The following ZBTB41 variants were observed in gnomAD, a reference collection of about 807,000 sequenced individuals.
ZBTB41 encodes the protein zinc finger and BTB domain-containing protein 41.
A neutral mutation model predicts 87.6 loss-of-function variants in ZBTB41; 42 were observed. The ratio of observed to expected loss-of-function variants is 0.48; its 90% CI spans 0.37 to 0.62. The LOEUF (loss-of-function observed/expected upper bound fraction) is 0.62, where lower values mean the gene tolerates loss of function less well. Ranked by LOEUF, ZBTB41 falls within the 20% of genes least tolerant of loss-of-function variation. The pLI is 0.00. For synonymous variants in ZBTB41, 364 were observed against 364.0 expected, an observed-to-expected ratio of 1.00 and a Z score of 0.00; for missense variants, 799 against 1,078.9, an observed-to-expected ratio of 0.74 and a Z score of 3.63.
rs144675743 is a variant in ZBTB41, at chr1:197,194,991, T to C, written c.1121-3092A>G. On this transcript the variant is annotated intron_variant, in intron 2 of 10. Transcript: ENST00000367405. ...ATTTGGTAGGGTTTTTTCTTTGTTT[T>C]TGTTTTGTTTCGTTTTGTTTTTTGC... is the stretch of plus-strand genomic sequence containing the variant. Among the ~76,000 whole-genome samples, 106 of 152,322 alleles carry C rather than the reference T, an allele frequency of 7.0e-4. 1 individual carries two copies. In the East Asian group the frequency reaches 0.02, roughly 29 times the overall value.
At chr1:197,191,143 T>A (rs1461963492) in intron 3 of ZBTB41, among the ~76,000 whole-genome samples, 3 of 152,000 alleles carry the variant, frequency 2.0e-5, no homozygotes, top group Non-Finnish European at 4.4e-5. Flanking sequence ...CTGTTACACA[T>A]TAAAGACAAT....
intron 2 of ZBTB41, among the ~76,000 whole-genome samples, chr1:197,193,872 A>G (rs1377804242): frequency 6.6e-6 from 1 of 152,214 alleles, no homozygotes; most frequent in Non-Finnish European, 1.5e-5. Flanking sequence ...CTGTAAAATC[A>G]AAAGTATACA....
chr1:197,179,769 C>T (rs760764927), intron 6 of ZBTB41, among the ~76,000 whole-genome samples: 1 of 151,394 alleles, frequency 6.6e-6, no homozygotes, highest in Non-Finnish European at 1.5e-5. Flanking sequence ...AAAAGTAAAA[C>T]ATAAAAAATT....
In ZBTB41 at chr1:197,199,767, C is replaced by T. The variant is rs201185833; in HGVS notation, c.707G>A (p.Gly236Glu). Reference sequence around the variant, plus strand: ...CAGCATTTTTAACCCATGTTTTTTCCCTAATAAAAGGGACCTATGGGTTTT... The same window carrying T: ...CAGCATTTTTAACCCATGTTTTTTCTCTAATAAAAGGGACCTATGGGTTTT... ...LAKTHRSLLL[G>E]KKHGLKMLER... The change falls in exon 2 of 11, where the codon GGG becomes GAG. Residue 236 changes from glycine (G) to glutamate (E), a missense_variant. By Grantham distance (98) the Gly-to-Glu change is moderately conservative (BLOSUM62 -2). This residue lies in a region of ZBTB41 where 294 missense variants were observed against 340.1 expected (regional missense o/e 0.86). Coordinates refer to ENST00000367405, the MANE Select transcript of ZBTB41 (RefSeq NM_194314.3). The T allele has an allele frequency of 2.4e-5, 39 of 1,612,698 alleles. No individual in the cohort carries two copies. In the East Asian group the frequency reaches 8.5e-4, roughly 35 times the overall value.
Position 197,199,615 on chromosome 1 carries a change from T to C in ZBTB41, c.859A>G (p.Lys287Glu), listed in dbSNP as rs146240690. The C allele has an allele frequency of 1.1e-5, 18 of 1,610,638 alleles. No homozygotes were observed. The African/African-American group carries it at 1.6e-4, about 14-fold the overall frequency. ...SDNLNQENFD[K>E]EKSDRNDSED... is the part of the protein sequence containing the mutation. ...GAATCATTTCTATCTGACTTTTCCT[T>C]ATCAAAATTTTCTTGATTCAAATTG... The change falls in exon 2 of 11, where the codon AAG becomes GAG. Residue 287 changes from lysine to glutamate, a missense_variant. Lys to Glu is a moderately conservative substitution (Grantham distance 56). This residue lies in a region of ZBTB41 where 294 missense variants were observed against 340.1 expected (regional missense o/e 0.86). Transcript: ENST00000367405.
Position 197,159,208 on chromosome 1 carries a change from A to G in ZBTB41, c.*151T>C. The G allele has an allele frequency of 1.4e-6, 1 of 721,082 alleles. No individual in the cohort carries two copies. The highest frequency in any genetic ancestry group is 2.2e-6 in the Non-Finnish European group (1 of 448,382). The allele number at this position is 721,082 out of a possible 1,614,324, so 44.7% of individuals were successfully genotyped here. ...TTGTCCAAATATTCATGTTCAGTAA[A>G]CAGAGACACATAGTTTTCTTGATTT... On this transcript the variant is annotated 3_prime_UTR_variant, in exon 11 of 11. Transcript: ENST00000367405.
At chr1:197,188,582 T>A in intron 4 of ZBTB41, 143 bp from the exon 5 acceptor site, 1 of 807,618 alleles carries the variant, frequency 1.2e-6, no homozygotes, top group Non-Finnish European at 1.8e-6. Flanking sequence ...AATTCAATTC[T>A]AATTGTGCAG....
intron 5 of ZBTB41, among the ~76,000 whole-genome samples, chr1:197,182,199 T>C (rs1458809241): frequency 1.3e-5 from 2 of 152,146 alleles, no homozygotes; most frequent in Non-Finnish European, 2.9e-5. Flanking sequence ...AGTCAAAGAA[T>C]GAAATATCTA....
At chr1:197,166,176 A>C (rs1235119249) in intron 10 of ZBTB41, among the ~76,000 whole-genome samples, 1 of 152,174 alleles carries the variant, frequency 6.6e-6, no homozygotes, top group Non-Finnish European at 1.5e-5. Context: ...TGTATCCCAG[A>C]ACTTAAAGTA....
In ZBTB41 at chr1:197,191,753, T is replaced by G. The variant is rs995148568; in HGVS notation, c.1267A>C (p.Lys423Gln). ...TGAAGTTTATTACAATAAGGGCACT[T>G]GTGCTCCTTCTTATGAAATTCTGTT... Reference protein sequence around the residue: ...NETEFHKKEHKCPYCNKLHAS... With the variant: ...NETEFHKKEHQCPYCNKLHAS... Residue 423 changes from lysine (K) to glutamine (Q), a missense_variant, in exon 3 of 11, where the codon AAG becomes CAG. By Grantham distance (53) the Lys-to-Gln change is moderately conservative. This residue lies in a region of ZBTB41 where 294 missense variants were observed against 340.1 expected (regional missense o/e 0.86). Coordinates refer to ENST00000367405, the MANE Select transcript of ZBTB41 (RefSeq NM_194314.3). 3.7e-6 allele frequency: 6 copies of G among 1,613,684 alleles called. No homozygotes were observed. Among genetic ancestry groups the G allele is most frequent in the Non-Finnish European group, 5.1e-6 (6 of 1,179,876 alleles).
chr1:197,199,540 C>A lies in ZBTB41; in HGVS notation c.934G>T (p.Glu312Ter). 6.2e-7 allele frequency: 1 copy of A among 1,609,466 alleles called. No homozygotes were observed. The highest frequency in any genetic ancestry group is 8.5e-7 in the Non-Finnish European group (1 of 1,178,494). ...ATGTCAGAGTACTCATCTGACATCT[C>A]CTCCTCTAGCTCATCTTCTTCAGCA... ...YNAEEDELEE[E>*]MSDEYSDIEE... Residue 312 changes from glutamate to a stop codon, truncating the protein, a stop_gained, in exon 2 of 11, where the codon GAG (glutamate) becomes TAG (stop). Coordinates refer to ENST00000367405, the MANE Select transcript of ZBTB41 (RefSeq NM_194314.3). LOFTEE classifies it high-confidence loss of function.
chr1:197,177,301 T>G lies in ZBTB41; in HGVS notation c.1773-631A>C, dbSNP rs181254223. Among the ~76,000 whole-genome samples, 628 of 152,222 alleles carry G rather than the reference T, an allele frequency of 4.1e-3. 7 individuals are homozygous for G. The highest frequency in any genetic ancestry group is 4.0e-3 in the Non-Finnish European group (274 of 67,988). On this transcript the variant is annotated intron_variant, in intron 7 of 10. Transcript: ENST00000367405. ...TGTTCCAGCAGTTGCCCCTACTCTC[T>G]CTTTCTCCTGCTTCGCCTAGGTAAG...
At chr1:197,178,581 T>G in intron 6 of ZBTB41, 69 bp from the exon 7 acceptor site, 1 of 1,136,264 alleles carries the variant, frequency 8.8e-7, no homozygotes, top group Non-Finnish European at 1.2e-6. Flanking sequence ...TCTGGAAAAC[T>G]TACTAGAAAG....
chr1:197,198,888 A>C (rs745598851), intron 2 of ZBTB41, among the ~76,000 whole-genome samples: 8 of 152,136 alleles, frequency 5.3e-5, no homozygotes, highest in Non-Finnish European at 1.0e-4. Context: ...TTAATATAAA[A>C]CATCCCCTTT....
intron 10 of ZBTB41, among the ~76,000 whole-genome samples, chr1:197,165,245 A>T (rs1452617555): frequency 2.0e-5 from 3 of 151,782 alleles, no homozygotes; most frequent in Non-Finnish European, 2.9e-5. Flanking sequence ...TAAACCATTA[A>T]CGAGAGAACA....
chr1:197,192,040 G>A (rs1031387447), intron 2 of ZBTB41, 141 bp from the exon 3 acceptor site: 7 of 572,334 alleles, frequency 1.2e-5, no homozygotes, highest in East Asian at 6.4e-5. Flanking sequence ...AAAAGTTTAC[G>A]TAAATTTCTA....
Position 197,175,153 on chromosome 1 carries a change from C to G in ZBTB41, c.1880-38G>C, listed in dbSNP as rs747119096. Reference sequence around the variant, plus strand: ...ACCCAAATATTTTCATTATAATATACATCTCAGGTTTTTATCCCCAGAAAC... The same window carrying G: ...ACCCAAATATTTTCATTATAATATAGATCTCAGGTTTTTATCCCCAGAAAC... On this transcript the variant is annotated intron_variant, in intron 8 of 10. Coordinates refer to ENST00000367405, the MANE Select transcript of ZBTB41 (RefSeq NM_194314.3). 5 of 1,544,696 alleles carry G rather than the reference C, an allele frequency of 3.2e-6. No homozygotes were observed. In the East Asian group the frequency reaches 1.1e-4, roughly 35 times the overall value.
At chr1:197,193,380 ACAAACAAAAAAAAAAC>A (rs1660081058) in intron 2 of ZBTB41, among the ~76,000 whole-genome samples, 1 of 151,894 alleles carries the variant, frequency 6.6e-6, no homozygotes, top group South Asian at 2.1e-4. Flanking sequence ...CTACAAAAAA[ACAAACAAAAAAAAAAC>A]CAAAAAAACA....
intron 6 of ZBTB41, among the ~76,000 whole-genome samples, chr1:197,179,844 A>C (rs1659701623): frequency 6.6e-6 from 1 of 152,162 alleles, no homozygotes. Context: ...GTGTGTTTTA[A>C]GCTAAGTGTT....
Sources: allele counts gnomAD v4.1 joint callset (sites outside exome capture counted in the v4.1 genomes callset), GRCh38; gene constraint gnomAD v4.1.1; regional missense constraint gnomAD v4.1.1; transcripts MANE v1.5; gene names NCBI Gene and HGNC (gene_info 2026-07-23, HGNC 2026-07-21).